Variants in NHSL1 observed in about 807,000 individuals in gnomAD.
NHSL1 encodes NHS like 1.
NHSL1 carries 48 observed loss-of-function variants against 95.0 expected under a neutral mutation model. That is an observed-to-expected ratio of 0.51 (90% CI 0.40 to 0.64). The LOEUF (loss-of-function observed/expected upper bound fraction) is 0.64. Ranked by LOEUF, NHSL1 falls within the 30% of genes least tolerant of loss-of-function variation. NHSL1 has a pLI of 0.00. For missense variants in NHSL1, 1,971 were observed against 2,077.7 expected (o/e 0.95, Z 1.00); for synonymous variants, 783 against 833.9 (o/e 0.94, Z 1.05).
chr6:138,628,067 C>T (rs1428736659), intron 1 of NHSL1, among the ~76,000 whole-genome samples: 1 of 151,920 alleles, frequency 6.6e-6, no homozygotes, highest in Admixed American at 6.6e-5. Flanking sequence ...AATCCCAGCA[C>T]TTTGGGAGGC....
intron 3 of NHSL1, among the ~76,000 whole-genome samples, chr6:138,470,776 C>A (rs12526159): frequency 0.13 from 19,699 of 152,116 alleles, 1,321 homozygotes; most frequent in Middle Eastern, 0.16. Flanking sequence ...AAACACCAGG[C>A]AGGTCCTCCC....
chr6:138,505,644 C>G (rs1184495055), intron 1 of NHSL1, among the ~76,000 whole-genome samples: 5 of 112,812 alleles, frequency 4.4e-5, no homozygotes, highest in African/African-American at 1.7e-4. Flanking sequence ...CAGAGCTAGA[C>G]TCCATTTCAA....
At chr6:138,615,756 C>A (rs1225404956) in intron 1 of NHSL1, among the ~76,000 whole-genome samples, 1 of 152,236 alleles carries the variant, frequency 6.6e-6, no homozygotes, top group Non-Finnish European at 1.5e-5. Context: ...CAGGCGTGAG[C>A]CACAGCACCT....
At chr6:138,445,660 C>T (rs1776819062) in intron 4 of NHSL1, among the ~76,000 whole-genome samples, 1 of 152,066 alleles carries the variant, frequency 6.6e-6, no homozygotes, top group Non-Finnish European at 1.5e-5. Flanking sequence ...AAAAAATCTT[C>T]GGTGACTATG....
chr6:138,618,204 G>T (rs1469706406), intron 1 of NHSL1, among the ~76,000 whole-genome samples: 1 of 152,116 alleles, frequency 6.6e-6, no homozygotes, highest in Admixed American at 6.5e-5. Context: ...CCTAATCAAG[G>T]CTATACATCA....
chr6:138,430,729 G>C lies in NHSL1; in HGVS notation c.3616C>G (p.Pro1206Ala), dbSNP rs924803038. ...ACTGCAAAATCTTTCTGCGGAGGTG[G>C]TACCACCAGGAACAGTTTGGGCTTC... Reference protein sequence around the residue: ...SKKPKLFLVVPPPQKDFAVEP... With the variant: ...SKKPKLFLVVAPPQKDFAVEP... Residue 1206 changes from proline to alanine, a missense_variant, in exon 6 of 8, where the codon CCA becomes GCA. This residue lies in a region of NHSL1 where 1,602 missense variants were observed against 1,654.5 expected (regional missense o/e 0.97). Coordinates refer to ENST00000343505, the MANE Select transcript of NHSL1 (RefSeq NM_001144060.2). The surrounding 1 kb of genome is among the most constrained non-coding windows in gnomAD (Gnocchi z 4.7). 2 of 1,551,746 alleles carry C rather than the reference G, an allele frequency of 1.3e-6. No homozygotes were observed. The highest frequency in any genetic ancestry group is 2.0e-5 in the Admixed American group (1 of 51,008).
chr6:138,427,961 G>A (rs1263211833), intron 7 of NHSL1, among the ~76,000 whole-genome samples: 1 of 152,106 alleles, frequency 6.6e-6, no homozygotes, highest in Non-Finnish European at 1.5e-5. Flanking sequence ...TCTCTCATAC[G>A]TGCACTGAGT....
At chr6:138,674,783 C>A (rs574462193) in intron 1 of NHSL1, among the ~76,000 whole-genome samples, 2 of 152,104 alleles carry the variant, frequency 1.3e-5, no homozygotes, top group African/African-American at 2.4e-5. Flanking sequence ...TGAACATATG[C>A]GTGCATGTAT....
intron 4 of NHSL1, among the ~76,000 whole-genome samples, chr6:138,443,397 A>G (rs1225329207): frequency 2.0e-5 from 3 of 152,320 alleles, no homozygotes; most frequent in Non-Finnish European, 2.9e-5. Flanking sequence ...GCTGTGAAAA[A>G]CTGGGTCGCT....
chr6:138,422,667 TTAAAA>T lies in NHSL1; in HGVS notation c.*1409_*1413del, dbSNP rs1450251942. ...GGGTGGGGGTAATGAGATTATTACA[TTAAAA>T]TAAAGACTTCACACACGTGTGTCCC... On this transcript the variant is annotated 3_prime_UTR_variant, in exon 8 of 8. Transcript: ENST00000343505. 6.6e-6 allele frequency: 1 copy of T among 152,194 alleles called. No homozygotes were observed. Among genetic ancestry groups the T allele is most frequent in the Non-Finnish European group, 1.5e-5 (1 of 68,048 alleles). The allele number at this position is 152,194 out of a possible 1,614,324, so 9.4% of individuals were successfully genotyped here.
intron 1 of NHSL1, among the ~76,000 whole-genome samples, chr6:138,657,814 CAAAAAAAAAAA>C (rs1051789759): frequency 1.2e-4 from 4 of 33,042 alleles, no homozygotes; most frequent in East Asian, 9.9e-4. Context: ...GACTCCATCT[CAAAAAAAAAAA>C]AAAAAAAAAA....
chr6:138,630,462 C>T (rs928873128), intron 1 of NHSL1, among the ~76,000 whole-genome samples: 3 of 151,892 alleles, frequency 2.0e-5, no homozygotes, highest in African/African-American at 7.3e-5. Context: ...CCGAGATCAC[C>T]GCAACCTCCG....
intron 1 of NHSL1, chr6:138,650,346 C>T (rs879043522): frequency 1.6e-5 from 17 of 1,046,494 alleles, no homozygotes; most frequent in East Asian, 1.3e-4. Context: ...CGGGGAGTAA[C>T]GGGGGAGCCC....
intron 1 of NHSL1, among the ~76,000 whole-genome samples, chr6:138,682,023 C>A (rs528168071): frequency 6.6e-6 from 1 of 151,204 alleles, no homozygotes; most frequent in Non-Finnish European, 1.5e-5. Flanking sequence ...ATCTTGTCGC[C>A]CAGGCTAGAG....
At chr6:138,447,555 C>T (rs1489600013) in intron 3 of NHSL1, among the ~76,000 whole-genome samples, 2 of 152,140 alleles carry the variant, frequency 1.3e-5, no homozygotes, top group Non-Finnish European at 2.9e-5. Context: ...GGGTGGATCA[C>T]TTGAGGTCAG....
At chr6:138,426,709 A>G (rs1266610117) in intron 7 of NHSL1, among the ~76,000 whole-genome samples, 1 of 152,164 alleles carries the variant, frequency 6.6e-6, no homozygotes, top group Non-Finnish European at 1.5e-5. Flanking sequence ...TCTGGTCAAA[A>G]AGATGCCACT....
At chr6:138,560,919 C>T (rs192756350) in intron 1 of NHSL1, among the ~76,000 whole-genome samples, 1 of 152,290 alleles carries the variant, frequency 6.6e-6, no homozygotes, top group East Asian at 1.9e-4. Context: ...ATAAAATATA[C>T]TTATTCTCAT....
At position 138,692,452 on chromosome 6, in the gene NHSL1, T is replaced by C; in HGVS notation, c.96+24A>G. ...CGGGTGCCTCCCCCGCCGGTTCCCC[T>C]CCCCCGGCCCGCCGGCCACTCACGG... On this transcript the variant is annotated intron_variant, in intron 1 of 3. Coordinates refer to the NHSL1 transcript ENST00000491526. This position sits in a 1 kb window ranked among gnomAD's most constrained non-coding sequence, Gnocchi z 4.0. 5.0e-6 allele frequency: 1 copy of C among 201,382 alleles called. No homozygotes were observed. The highest frequency in any genetic ancestry group is 7.3e-5 in the South Asian group (1 of 13,718). 12.5% of individuals were successfully genotyped at this position (201,382 alleles called of 1,614,324 possible).
chr6:138,669,424 G>A (rs1187662198), intron 1 of NHSL1, among the ~76,000 whole-genome samples: 3 of 152,084 alleles, frequency 2.0e-5, no homozygotes, highest in East Asian at 1.9e-4. Flanking sequence ...TTATACTGCC[G>A]AGTTCCCAAA....
Sources: allele counts gnomAD v4.1 joint callset (sites outside exome capture counted in the v4.1 genomes callset), GRCh38; gene constraint gnomAD v4.1.1; regional missense constraint gnomAD v4.1.1; non-coding constraint Gnocchi (gnomAD v3.1); transcripts MANE v1.5; gene names NCBI Gene and HGNC (gene_info 2026-07-23, HGNC 2026-07-21).